Variants in GLYATL2 observed in about 807,000 individuals in gnomAD.
GLYATL2 encodes the protein glycine N-acyltransferase-like protein 2.
In GLYATL2, 25 loss-of-function variants were observed where a neutral mutation model predicts 21.4. That is an observed-to-expected ratio of 1.17 (90% confidence interval 0.85 to 1.63). GLYATL2 has a LOEUF of 1.63. GLYATL2 is among the 40% of genes most tolerant of loss of function. The pLI, the probability that GLYATL2 is intolerant of heterozygous loss-of-function variation, is 0.00. For missense variants in GLYATL2, 361 were observed against 343.3 expected, an observed-to-expected ratio of 1.05 and a Z score of -0.41; for synonymous variants, 114 against 118.2, an observed-to-expected ratio of 0.96 and a Z score of 0.23.
intron 1 of GLYATL2, among the ~76,000 whole-genome samples, chr11:58,869,781 G>A (rs1416255041): frequency 6.6e-6 from 1 of 152,130 alleles, no homozygotes; most frequent in Non-Finnish European, 1.5e-5. Context: ...AATAAAAATA[G>A]AAATGTCTTC....
At chr11:58,861,543 T>G (rs946600072) in intron 1 of GLYATL2, among the ~76,000 whole-genome samples, 3 of 151,960 alleles carry the variant, frequency 2.0e-5, no homozygotes, top group African/African-American at 7.2e-5. Context: ...TTCTTTAATG[T>G]TTTTATAGTT....
chr11:58,836,011 GTAATACAAATATA>G (rs1334104464), intron 5 of GLYATL2, among the ~76,000 whole-genome samples: 39 of 151,996 alleles, frequency 2.6e-4, no homozygotes, highest in African/African-American at 7.7e-4. Flanking sequence ...TTTTCAATTA[GTAATACAAATATA>G]AAGCATAAAT....
intron 1 of GLYATL2, among the ~76,000 whole-genome samples, chr11:58,866,839 T>C (rs1489950357): frequency 6.7e-6 from 1 of 149,192 alleles, no homozygotes; most frequent in Non-Finnish European, 1.5e-5. Flanking sequence ...CCTTTAGGTG[T>C]CTCCAAAGTC....
chr11:58,869,822 T>G (rs988936210), intron 1 of GLYATL2, among the ~76,000 whole-genome samples: 2 of 152,178 alleles, frequency 1.3e-5, no homozygotes, highest in East Asian at 3.8e-4. Flanking sequence ...TTGTCTGGGT[T>G]TTATATTTGT....
At chr11:58,905,656 A>C (rs1590761994), upstream of GLYATL2, 2 of 454,824 alleles carry the variant, frequency 4.4e-6, no homozygotes, top group East Asian at 1.4e-4. Context: ...TGCTTAGTTT[A>C]TCCTGGTACG....
intron 1 of GLYATL2, among the ~76,000 whole-genome samples, chr11:58,895,226 A>G (rs1854613490): frequency 6.6e-6 from 1 of 152,226 alleles, no homozygotes. Context: ...ACAACAAGAA[A>G]GCGTGGGAAA....
Position 58,834,840 on chromosome 11 carries a change from G to A in GLYATL2, c.477-3C>T. 6.4e-7 allele frequency: 1 copy of A among 1,556,970 alleles called. No homozygotes were observed. The highest frequency in any genetic ancestry group is 2.1e-5 in the Admixed American group (1 of 47,476). The stretch of plus-strand genomic sequence containing the variant: ...ACATGTTTGAAAAGTTTCCTTCCCT[G>A]TGAAGAAAAAGAATTTTACATTTAT... On this transcript the variant is annotated splice_polypyrimidine_tract_variant and splice_region_variant and intron_variant, in intron 5 of 5. Transcript: ENST00000287275.
chr11:58,847,924 T>C (rs1943292), upstream of GLYATL2, among the ~76,000 whole-genome samples: 134,432 of 151,466 alleles, frequency 0.89, 60,802 homozygotes, highest in Non-Finnish European at 0.98. Context: ...AGCACAGTCA[T>C]AATGGCGGTG....
intron 1 of GLYATL2, among the ~76,000 whole-genome samples, chr11:58,857,989 T>C (rs1271632601): frequency 6.6e-6 from 1 of 151,844 alleles, no homozygotes; most frequent in African/African-American, 2.4e-5. Context: ...ACATTGGAGT[T>C]TGGGCTTTAA....
chr11:58,853,373 G>T (rs1853774555), intron 1 of GLYATL2, among the ~76,000 whole-genome samples: 1 of 152,132 alleles, frequency 6.6e-6, no homozygotes, highest in Non-Finnish European at 1.5e-5. Context: ...GTATTTGCAG[G>T]ATTCAAAACC....
At chr11:58,902,418 T>C (rs7945540) in intron 1 of GLYATL2, among the ~76,000 whole-genome samples, 41,860 of 151,998 alleles carry the variant, frequency 0.28, 6,274 homozygotes, top group Middle Eastern at 0.36. Flanking sequence ...ATCCATCAAG[T>C]CCAAATATAA....
At chr11:58,878,255 C>A in intron 1 of GLYATL2, 1 of 373,176 alleles carries the variant, frequency 2.7e-6, no homozygotes, top group Non-Finnish European at 5.0e-6. Context: ...TTTCTTTTAT[C>A]AGACTGTGCC....
intron 1 of GLYATL2, among the ~76,000 whole-genome samples, chr11:58,896,225 A>G (rs1441959507): frequency 6.6e-6 from 1 of 152,088 alleles, no homozygotes; most frequent in Non-Finnish European, 1.5e-5. Flanking sequence ...CCATCTGCAT[A>G]ATAAAAGTTT....
At chr11:58,848,109 C>G (rs141906912), upstream of GLYATL2, among the ~76,000 whole-genome samples, 1 of 150,464 alleles carries the variant, frequency 6.6e-6, no homozygotes, top group African/African-American at 2.4e-5. Flanking sequence ...GAGGCGGTAC[C>G]TTTATGAGTC....
At chr11:58,869,399 G>T (rs528254521) in intron 1 of GLYATL2, among the ~76,000 whole-genome samples, 56 of 152,304 alleles carry the variant, frequency 3.7e-4, no homozygotes, top group African/African-American at 1.3e-3. Context: ...GTTCTTTGGA[G>T]TCTGGGGAGG....
intron 1 of GLYATL2, among the ~76,000 whole-genome samples, chr11:58,903,088 T>C (rs1424810856): frequency 6.6e-6 from 1 of 152,240 alleles, no homozygotes; most frequent in African/African-American, 2.4e-5. Flanking sequence ...GACGTCAGGT[T>C]ACTTATTCCA....
intron 1 of GLYATL2, among the ~76,000 whole-genome samples, chr11:58,853,222 C>T (rs982732243): frequency 1.3e-5 from 2 of 152,106 alleles, no homozygotes; most frequent in African/African-American, 4.8e-5. Context: ...ATTAAATATC[C>T]TGACAAACAC....
intron 1 of GLYATL2, among the ~76,000 whole-genome samples, chr11:58,862,852 A>AT (rs1853956099): frequency 1.3e-5 from 2 of 150,922 alleles, no homozygotes; most frequent in African/African-American, 2.4e-5. Context: ...TGGTGGTATC[A>AT]TTTTTCTCTG....
intron 1 of GLYATL2, among the ~76,000 whole-genome samples, chr11:58,879,922 G>A (rs1461160460): frequency 1.4e-5 from 2 of 147,642 alleles, no homozygotes; most frequent in South Asian, 2.1e-4. Context: ...GCAGTGGCGC[G>A]ATCTCGGCTC....
Sources: allele counts gnomAD v4.1 joint callset (sites outside exome capture counted in the v4.1 genomes callset), GRCh38; gene constraint gnomAD v4.1.1; transcripts MANE v1.5; gene names NCBI Gene and HGNC (gene_info 2026-07-23, HGNC 2026-07-21).